Variants in GYPC observed in about 807,000 individuals in gnomAD.
GYPC encodes glycophorin C (Gerbich blood group).
Under a neutral mutation model 12.6 loss-of-function variants are expected in GYPC, and 14 were observed. That is an observed-to-expected ratio of 1.11 (90% CI 0.74 to 1.74). GYPC has a LOEUF of 1.74. GYPC is among the 40% of genes most tolerant of loss of function. The pLI is 0.00. For missense variants in GYPC, 225 were observed against 172.1 expected, an observed-to-expected ratio of 1.31 and a Z score of -1.72; for synonymous variants, 78 against 62.1, an observed-to-expected ratio of 1.26 and a Z score of -1.20.
At chr2:126,686,481 A>G (rs1214867530) in intron 1 of GYPC, 4 of 985,466 alleles carry the variant, frequency 4.1e-6, no homozygotes, top group Non-Finnish European at 4.8e-6. Context: ...GCCACTCCCA[A>G]CTCCACAAAG....
chr2:126,690,350 GC>G, intron 2 of GYPC, 39 bp downstream of exon 2: 1 of 1,453,228 alleles, frequency 6.9e-7, no homozygotes, highest in Non-Finnish European at 9.7e-7. Flanking sequence ...AATGGAAACT[GC>G]CGTGACTTCA....
chr2:126,694,036 C>A lies in GYPC; in HGVS notation c.190+89C>A, dbSNP rs906752163. 14 of 922,588 alleles carry A rather than the reference C, an allele frequency of 1.5e-5. No homozygotes were observed. In the African/African-American group the frequency reaches 1.8e-4, roughly 12 times the overall value. 57.2% of individuals were successfully genotyped at this position (922,588 alleles called of 1,614,324 possible). A position where few individuals can be genotyped will look rare whatever the true frequency, so the allele number is the denominator to read the frequency against. On this transcript the variant is annotated intron_variant, in intron 3 of 3. Coordinates refer to ENST00000259254, the MANE Select transcript of GYPC (RefSeq NM_002101.5). The stretch of plus-strand genomic sequence containing the variant: ...GGGAGAACTGACCTAAGGACTTGGG[C>A]AGTGGTGGCTGTGGCCATTTTTTCT...
chr2:126,693,985 TGG>T (rs757112810), intron 3 of GYPC, 38 bp downstream of exon 3: 1 of 1,364,514 alleles, frequency 7.3e-7, no homozygotes, highest in Admixed American at 1.7e-5. Flanking sequence ...GCAGCCAGGG[TGG>T]GGGGCCTTGG....
chr2:126,676,707 G>A (rs1052033843), intron 1 of GYPC, among the ~76,000 whole-genome samples: 11 of 152,146 alleles, frequency 7.2e-5, no homozygotes, highest in Non-Finnish European at 8.8e-5. Context: ...GGATTGAGAC[G>A]TATTTTAGAG....
chr2:126,673,845 T>A (rs1172067474), intron 1 of GYPC, among the ~76,000 whole-genome samples: 1 of 152,154 alleles, frequency 6.6e-6, no homozygotes, highest in Non-Finnish European at 1.5e-5. Context: ...GGCACACTGT[T>A]GGGAGACTTA....
Position 126,696,392 on chromosome 2 carries a change from G to T in GYPC, c.*250G>T. ...CAGAGGCCACCTTTTGCTCCACGGA[G>T]GTGGGAGAAAATCTGGGCACATGGG... On this transcript the variant is annotated 3_prime_UTR_variant, in exon 4 of 4. Transcript: ENST00000259254. The T allele has an allele frequency of 2.0e-6, 1 of 499,426 alleles. No individual in the cohort carries two copies. The highest frequency in any genetic ancestry group is 3.8e-5 in the East Asian group (1 of 26,536). 30.9% of individuals were successfully genotyped at this position (499,426 alleles called of 1,614,324 possible). A position where few individuals can be genotyped will look rare whatever the true frequency, so the allele number is the denominator to read the frequency against.
chr2:126,695,930 C>A lies in GYPC; in HGVS notation c.191-16C>A, dbSNP rs761514440. 3 of 1,611,980 alleles carry A rather than the reference C, an allele frequency of 1.9e-6. No homozygotes were observed. The South Asian group carries it at 3.3e-5, about 18-fold the overall frequency. On this transcript the variant is annotated splice_polypyrimidine_tract_variant and intron_variant, in intron 3 of 3. Coordinates refer to ENST00000259254, the MANE Select transcript of GYPC (RefSeq NM_002101.5). Reference sequence around the variant, plus strand: ...CCCTGCCTCAGACTGACCCTTGCACCTCTTCCCACCTGCAGGTGTGATTGC... The same window carrying A: ...CCCTGCCTCAGACTGACCCTTGCACATCTTCCCACCTGCAGGTGTGATTGC...
At chr2:126,668,820 G>A (rs1442756680) in intron 1 of GYPC, among the ~76,000 whole-genome samples, 3 of 152,172 alleles carry the variant, frequency 2.0e-5, no homozygotes, top group Admixed American at 2.0e-4. Flanking sequence ...GAGATGAGAT[G>A]GCTGCCCTCA....
intron 3 of GYPC, among the ~76,000 whole-genome samples, chr2:126,695,429 C>A (rs1255955779): frequency 6.6e-6 from 1 of 152,166 alleles, no homozygotes; most frequent in African/African-American, 2.4e-5. Context: ...TACAGTGCCA[C>A]CACACAACAG....
rs113326216 is a variant in GYPC at position 126,694,137 on chromosome 2, G to A, written c.190+190G>A. 3.9e-3 allele frequency among the ~76,000 whole-genome samples: 599 copies of A among 152,162 alleles called. 7 individuals carry two copies. The highest frequency in any genetic ancestry group is 0.013 in the African/African-American group (541 of 41,498). ...AAATATATATATACATGCATACATCGTACGTATCTATGTATGTATTTATTG... is the reference window on the plus strand; with the variant it reads ...AAATATATATATACATGCATACATCATACGTATCTATGTATGTATTTATTG... On this transcript the variant is annotated intron_variant, in intron 3 of 3. Coordinates refer to ENST00000259254, the MANE Select transcript of GYPC (RefSeq NM_002101.5).
chr2:126,666,532 A>G (rs189876780), intron 1 of GYPC, among the ~76,000 whole-genome samples: 327 of 152,192 alleles, frequency 2.1e-3, no homozygotes, highest in Non-Finnish European at 3.9e-3. Flanking sequence ...CCAGGTTGCA[A>G]TAGAGGAGCC....
chr2:126,686,104 G>T (rs28387190), intron 1 of GYPC: 2 of 985,202 alleles, frequency 2.0e-6, no homozygotes, highest in African/African-American at 3.5e-5. Context: ...ACCAGCCCAC[G>T]CAGGAAAAAA....
intron 1 of GYPC, among the ~76,000 whole-genome samples, chr2:126,665,875 C>T (rs1682664517): frequency 6.6e-6 from 1 of 152,210 alleles, no homozygotes; most frequent in Non-Finnish European, 1.5e-5. Flanking sequence ...TTCCCCAGTG[C>T]TTCCCTGTGC....
chr2:126,665,689 C>T (rs909084619), intron 1 of GYPC, among the ~76,000 whole-genome samples: 7 of 152,242 alleles, frequency 4.6e-5, no homozygotes, highest in African/African-American at 1.2e-4. Context: ...ACAGCAGACT[C>T]GGCACAGGTG....
chr2:126,695,408 A>G (rs1683611616), intron 3 of GYPC, among the ~76,000 whole-genome samples: 1 of 152,166 alleles, frequency 6.6e-6, no homozygotes, highest in Non-Finnish European at 1.5e-5. Flanking sequence ...TCATTTTAGG[A>G]AGGCACAGGT....
chr2:126,696,048 G>A lies in GYPC; in HGVS notation c.293G>A (p.Gly98Asp), dbSNP rs567759380. The change falls in exon 4 of 4, where the codon GGC (glycine) becomes GAC (aspartate). Residue 98 changes from glycine (G) to aspartate (D), a missense_variant. Transcript: ENST00000259254. ...ACGTACCACACCAATGAGGCCAAGG[G>A]CACGGAGTTTGCTGAGAGTGCAGAT... ...KGTYHTNEAK[G>D]TEFAESADAA... 1.8e-4 allele frequency: 294 copies of A among 1,614,130 alleles called. 4 individuals carry two copies. In the South Asian group the frequency reaches 3.0e-3, roughly 16 times the overall value.
intron 1 of GYPC, chr2:126,686,115 A>G: frequency 1.0e-6 from 1 of 985,358 alleles, no homozygotes; most frequent in Non-Finnish European, 1.2e-6. Context: ...CAGGAAAAAA[A>G]GAGAACTTTT....
At chr2:126,695,326 T>C (rs1370220576) in intron 3 of GYPC, among the ~76,000 whole-genome samples, 1 of 151,736 alleles carries the variant, frequency 6.6e-6, no homozygotes, top group African/African-American at 2.4e-5. Context: ...CTTAGAGTGG[T>C]TAGTAGCAGA....
At chr2:126,693,210 A>G (rs1683529411) in intron 2 of GYPC, among the ~76,000 whole-genome samples, 1 of 152,238 alleles carries the variant, frequency 6.6e-6, no homozygotes, top group Non-Finnish European at 1.5e-5. Context: ...CTGTCGTGAG[A>G]CTGGATTAGT....
Sources: gnomAD v4.1 joint callset for allele counts (sites outside exome capture counted in the v4.1 genomes callset) on GRCh38, gnomAD v4.1.1 for gene constraint, MANE v1.5 for transcripts, NCBI Gene and HGNC (gene_info 2026-07-23, HGNC 2026-07-21) for gene names.